CAPN7: variants seen among roughly 807,000 people sequenced by gnomAD.
The protein encoded by CAPN7 is calpain 7.
Under a neutral mutation model 115.2 loss-of-function variants are expected in CAPN7, and 72 were observed. The ratio of observed to expected loss-of-function variants is 0.63; its 90% CI spans 0.52 to 0.76. The LOEUF is 0.76. Ranked by LOEUF, CAPN7 falls within the 30% of genes least tolerant of loss-of-function variation. The pLI, the probability that CAPN7 is intolerant of heterozygous loss-of-function variation, is 0.00. For missense variants in CAPN7, 905 were observed against 971.5 expected, an observed-to-expected ratio of 0.93 and a Z score of 0.91; for synonymous variants, 344 against 322.3, an observed-to-expected ratio of 1.07 and a Z score of -0.72.
intron 9 of CAPN7, among the ~76,000 whole-genome samples, chr3:15,231,056 A>G (rs1045920301): frequency 6.6e-6 from 1 of 152,208 alleles, no homozygotes; most frequent in African/African-American, 2.4e-5. Flanking sequence ...AGATCCATGC[A>G]GCAACATCAG....
At chr3:15,215,674 G>A (rs2045209907) in intron 2 of CAPN7, among the ~76,000 whole-genome samples, 1 of 152,126 alleles carries the variant, frequency 6.6e-6, no homozygotes, top group African/African-American at 2.4e-5. Flanking sequence ...ATACTTCATT[G>A]CTTTTTATGG....
At chr3:15,237,900 C>A (rs1695088892) in intron 12 of CAPN7, among the ~76,000 whole-genome samples, 1 of 151,768 alleles carries the variant, frequency 6.6e-6, no homozygotes, top group Non-Finnish European at 1.5e-5. Context: ...TCACTTGAGC[C>A]CAATGTTGCA....
intron 14 of CAPN7, among the ~76,000 whole-genome samples, chr3:15,241,165 A>G (rs557417602): frequency 6.6e-6 from 1 of 152,182 alleles, no homozygotes; most frequent in Non-Finnish European, 1.5e-5. Context: ...AGATCATGCC[A>G]CTGCACTCCA....
intron 1 of CAPN7, among the ~76,000 whole-genome samples, chr3:15,206,970 A>G (rs576465698): frequency 6.6e-6 from 1 of 152,374 alleles, no homozygotes; most frequent in Non-Finnish European, 1.5e-5. Flanking sequence ...AAAATAATGC[A>G]TGCTCGTTAA....
At chr3:15,233,734 A>G in intron 10 of CAPN7, 133 bp from the exon 11 acceptor site, 1 of 598,446 alleles carries the variant, frequency 1.7e-6, no homozygotes, top group Non-Finnish European at 2.9e-6. Flanking sequence ...ATATATTACT[A>G]GTTGAAAACA....
chr3:15,243,375 C>A, intron 16 of CAPN7, among the ~76,000 whole-genome samples: 1 of 152,100 alleles, frequency 6.6e-6, no homozygotes, highest in East Asian at 1.9e-4. Flanking sequence ...GAAGATGCAG[C>A]TAGGCTGTTG....
At chr3:15,230,046 T>C (rs1243389220) in intron 8 of CAPN7, among the ~76,000 whole-genome samples, 1 of 152,206 alleles carries the variant, frequency 6.6e-6, no homozygotes, top group Non-Finnish European at 1.5e-5. Context: ...CTGTATAATT[T>C]CATGCAACTA....
At chr3:15,229,220 G>T (rs1044371242) in intron 8 of CAPN7, among the ~76,000 whole-genome samples, 161 bp downstream of exon 8, 5 of 152,122 alleles carry the variant, frequency 3.3e-5, no homozygotes, top group African/African-American at 9.7e-5. Flanking sequence ...GGAAAGATAC[G>T]CTAAAACAGT....
Position 15,206,461 on chromosome 3 carries a change from C to T in CAPN7, c.-35C>T, listed in dbSNP as rs762945445. The T allele has an allele frequency of 1.5e-5, 22 of 1,482,284 alleles. No individual in the cohort carries two copies. The African/African-American group carries it at 3.2e-4, about 21-fold the overall frequency. The allele number at this position is 1,482,284 out of a possible 1,614,324, so 91.8% of individuals were successfully genotyped here. A position where few individuals can be genotyped will look rare whatever the true frequency, so the allele number is the denominator to read the frequency against. On this transcript the variant is annotated 5_prime_UTR_variant, in exon 1 of 21. Transcript: ENST00000253693. ...CGCGAAGAGCCGTCCTGCGTCAGGGCCTCCTTCCCTGCCCCGGCGCGGGGC... is the reference window on the plus strand; with the variant it reads ...CGCGAAGAGCCGTCCTGCGTCAGGGTCTCCTTCCCTGCCCCGGCGCGGGGC...
intron 12 of CAPN7, among the ~76,000 whole-genome samples, chr3:15,239,223 C>T (rs1695195587): frequency 6.6e-6 from 1 of 152,186 alleles, no homozygotes. Flanking sequence ...CATCTACCCC[C>T]AGCCACAATT....
chr3:15,227,195 T>TA (rs1210865449), intron 6 of CAPN7, among the ~76,000 whole-genome samples: 4 of 152,136 alleles, frequency 2.6e-5, no homozygotes, highest in Non-Finnish European at 2.9e-5. Context: ...GAAACATTGT[T>TA]ACACACAGTG....
intron 1 of CAPN7, among the ~76,000 whole-genome samples, chr3:15,207,164 C>T (rs2044675933): frequency 6.6e-6 from 1 of 152,182 alleles, no homozygotes; most frequent in African/African-American, 2.4e-5. Context: ...AGCTGTATGG[C>T]ATGGCCTGTT....
In CAPN7 at chr3:15,251,268, A is replaced by G. The variant is rs370980586; in HGVS notation, c.*8A>G. ...ATCACACAACTTCAGTGATGGAGAA[A>G]TCTCAAGTTACTGGCTTTTATACTT... is the stretch of plus-strand genomic sequence containing the variant. On this transcript the variant is annotated 3_prime_UTR_variant, in exon 21 of 21. Coordinates refer to ENST00000253693, the MANE Select transcript of CAPN7 (RefSeq NM_014296.3). 63 of 1,576,766 alleles carry G rather than the reference A, an allele frequency of 4.0e-5. No homozygotes were observed. Among genetic ancestry groups the G allele is most frequent in the Non-Finnish European group, 4.9e-5 (57 of 1,168,058 alleles).
At position 15,220,814 on chromosome 3, in the gene CAPN7, A is replaced by G. The variant is rs1048724539; in HGVS notation, c.471A>G (p.Pro157=). ...CGCTGAGTGAGCCTTTGACCAAGCC[A>G]GTTGGCAAAATCAGTTCAACAAGTG... ...AEALSEPLTK[P]VGKISSTSVK... The change falls in exon 5 of 21, where the codon CCA becomes CCG. Residue 157 remains proline (P), a synonymous_variant. Transcript: ENST00000253693. The G allele has an allele frequency of 2.5e-6, 4 of 1,614,088 alleles. No individual in the cohort carries two copies. Among genetic ancestry groups the G allele is most frequent in the South Asian group, 1.1e-5 (1 of 91,094 alleles).
At chr3:15,216,976 A>T (rs776111752) in intron 2 of CAPN7, among the ~76,000 whole-genome samples, 1 of 151,658 alleles carries the variant, frequency 6.6e-6, no homozygotes, top group Non-Finnish European at 1.5e-5. Flanking sequence ...GGTGGCTCAC[A>T]CCTGTAATCC....
chr3:15,248,813 A>ACCTGCAAGACCCG (rs1272220324), intron 19 of CAPN7, among the ~76,000 whole-genome samples: 2 of 151,446 alleles, frequency 1.3e-5, no homozygotes, highest in African/African-American at 4.9e-5. Context: ...ACATGGCAAA[A>ACCTGCAAGACCCG]CCTCATCTCT....
Position 15,212,047 on chromosome 3 carries a change from A to C in CAPN7, c.103-57A>C, listed in dbSNP as rs1384329222. On this transcript the variant is annotated intron_variant, in intron 1 of 20. Transcript: ENST00000253693. ...ACCAATATTGAATGAGAATGTGATA[A>C]AGAAAATTCAAGTTGTAATACATCT... 3 of 1,001,612 alleles carry C rather than the reference A, an allele frequency of 3.0e-6. No homozygotes were observed. The African/African-American group carries it at 4.9e-5, about 16-fold the overall frequency. The allele number at this position is 1,001,612 out of a possible 1,614,324, so 62.0% of individuals were successfully genotyped here.
chr3:15,232,423 T>C (rs1428002316), intron 9 of CAPN7, 96 bp from the exon 10 acceptor site: 12 of 937,830 alleles, frequency 1.3e-5, no homozygotes, highest in South Asian at 3.6e-5. Flanking sequence ...TTGTGCGTTA[T>C]ATTTTATCAG....
At chr3:15,234,980 C>T (rs757915354) in intron 11 of CAPN7, 45 bp from the exon 12 acceptor site, 31 of 1,559,490 alleles carry the variant, frequency 2.0e-5, no homozygotes, top group Non-Finnish European at 2.7e-5. Flanking sequence ...TCTTAGATTA[C>T]AAATGTGTTT....
Sources: gnomAD v4.1 joint callset for allele counts (sites outside exome capture counted in the v4.1 genomes callset) on GRCh38, gnomAD v4.1.1 for gene constraint, MANE v1.5 for transcripts, NCBI Gene and HGNC (gene_info 2026-07-23, HGNC 2026-07-21) for gene names.